The following BRWD1 variants were observed in gnomAD, a reference collection of about 807,000 sequenced individuals.
BRWD1 encodes the protein bromodomain and WD repeat domain containing 1.
Under a neutral mutation model 251.2 loss-of-function variants are expected in BRWD1, and 82 were observed. The observed-to-expected ratio is 0.33, with a 90% CI of 0.27 to 0.39. The LOEUF (loss-of-function observed/expected upper bound fraction) is 0.39, where lower values mean the gene tolerates loss of function less well. Ranked by LOEUF, BRWD1 falls within the 10% of genes least tolerant of loss-of-function variation. The pLI, the probability that BRWD1 is intolerant of heterozygous loss-of-function variation, is 1.00. For missense variants in BRWD1, 2,233 were observed against 2,711.6 expected, an observed-to-expected ratio of 0.82 and a Z score of 3.92; for synonymous variants, 918 against 902.8, an observed-to-expected ratio of 1.02 and a Z score of -0.30.
At chr21:39,222,660 A>T (rs754382152) in intron 29 of BRWD1, among the ~76,000 whole-genome samples, 13 of 152,346 alleles carry the variant, frequency 8.5e-5, no homozygotes, top group Non-Finnish European at 1.5e-4. Context: ...GGAAAGGAGA[A>T]GATGTATCTT....
chr21:39,257,046 G>A (rs1244397215), intron 18 of BRWD1, among the ~76,000 whole-genome samples: 1 of 152,024 alleles, frequency 6.6e-6, no homozygotes, highest in Non-Finnish European at 1.5e-5. Flanking sequence ...AAATTTAACT[G>A]CCCAAGTCAT....
chr21:39,280,132 A>G lies in BRWD1; in HGVS notation c.932+16T>C. The G allele has an allele frequency of 5.8e-6, 9 of 1,553,000 alleles. No individual in the cohort carries two copies. The highest frequency in any genetic ancestry group is 7.9e-6 in the Non-Finnish European group (9 of 1,143,760). On this transcript the variant is annotated intron_variant, in intron 9 of 40. Coordinates refer to ENST00000342449, the MANE Select transcript of BRWD1 (RefSeq NM_033656.4). The stretch of plus-strand genomic sequence containing the variant: ...CATTAAAAAACAAAACCTGTTACAT[A>G]ATTAAAGCCACTTACCTAAATTTTA...
Position 39,199,189 on chromosome 21 carries a change from G to T in BRWD1, c.5227C>A (p.Pro1743Thr), listed in dbSNP as rs770354132. Residue 1743 changes from proline to threonine, a missense_variant, in exon 40 of 41, where the codon CCA becomes ACA. By Grantham distance (38) the Pro-to-Thr change is conservative. This residue lies in a region of BRWD1 where 928 missense variants were observed against 970.0 expected (regional missense o/e 0.96). Transcript: ENST00000342449. ...AGAAATTTTGTCTTTGAAGGTGCTG[G>T]AGTATGGGACTTGTAACCATTAGCA... ...WHANGYKSHT[P>T]APSKTKFLKI... The T allele has an allele frequency of 6.2e-7, 1 of 1,614,120 alleles. No homozygotes were observed. The highest frequency in any genetic ancestry group is 1.1e-5 in the South Asian group (1 of 91,080).
At position 39,202,672 on chromosome 21, in the gene BRWD1, T is replaced by G. The variant is rs572344033; in HGVS notation, c.4365-127A>C. On this transcript the variant is annotated intron_variant, in intron 37 of 40. Coordinates refer to ENST00000342449, the MANE Select transcript of BRWD1 (RefSeq NM_033656.4). ...GAGAGTAATTTTATCATCAAAACAT[T>G]AAAATATTCACTATTAACATTTTAT... The G allele has an allele frequency of 1.1e-5, 7 of 641,720 alleles. No individual in the cohort carries two copies. The African/African-American group carries it at 1.3e-4, about 12-fold the overall frequency. The allele number at this position is 641,720 out of a possible 1,614,324, so 39.8% of individuals were successfully genotyped here.
intron 40 of BRWD1, among the ~76,000 whole-genome samples, chr21:39,198,086 C>T (rs1243313634): frequency 2.0e-4 from 31 of 152,122 alleles, no homozygotes; most frequent in Admixed American, 2.0e-3. Flanking sequence ...CTGAAACTCC[C>T]CGTAACTCCC....
intron 8 of BRWD1, among the ~76,000 whole-genome samples, chr21:39,283,986 A>G (rs911335593): frequency 1.3e-5 from 2 of 152,152 alleles, no homozygotes; most frequent in Non-Finnish European, 2.9e-5. Flanking sequence ...GTCTACTTCC[A>G]AAGTCCAAAG....
intron 19 of BRWD1, among the ~76,000 whole-genome samples, chr21:39,252,682 C>A (rs2034434665): frequency 6.6e-6 from 1 of 152,156 alleles, no homozygotes; most frequent in Non-Finnish European, 1.5e-5. Context: ...TGGCAGATAG[C>A]TAGCTGCCGT....
rs1360817357 is a variant in BRWD1, at chr21:39,206,375, G to A, written c.4198-101C>T. Reference sequence around the variant, plus strand: ...ATCCCTTGCAATGTATTATATCACTGCTTATAGGTAATGGCTGTCACCCAC... The same window carrying A: ...ATCCCTTGCAATGTATTATATCACTACTTATAGGTAATGGCTGTCACCCAC... On this transcript the variant is annotated intron_variant, in intron 36 of 40. Coordinates refer to ENST00000342449, the MANE Select transcript of BRWD1 (RefSeq NM_033656.4). 4 of 869,906 alleles carry A rather than the reference G, an allele frequency of 4.6e-6. No individual in the cohort carries two copies. The African/African-American group carries it at 5.2e-5, about 11-fold the overall frequency. 53.9% of individuals were successfully genotyped at this position (869,906 alleles called of 1,614,324 possible).
intron 27 of BRWD1, among the ~76,000 whole-genome samples, chr21:39,227,401 A>G (rs186945615): frequency 4.6e-5 from 7 of 152,280 alleles, no homozygotes; most frequent in Non-Finnish European, 1.0e-4. Flanking sequence ...AGTTACTATT[A>G]ACAGTTGCTA....
intron 33 of BRWD1, among the ~76,000 whole-genome samples, chr21:39,213,149 C>T (rs2032737887): frequency 6.6e-6 from 1 of 152,156 alleles, no homozygotes; most frequent in South Asian, 2.1e-4. Context: ...AAGCAATCTT[C>T]CCATCTCAGC....
At chr21:39,230,018 T>C (rs1386428173) in intron 25 of BRWD1, among the ~76,000 whole-genome samples, 5 of 152,220 alleles carry the variant, frequency 3.3e-5, no homozygotes, top group Admixed American at 6.5e-5. Context: ...GGATTATAGG[T>C]GTGGCCTGCC....
intron 25 of BRWD1, among the ~76,000 whole-genome samples, chr21:39,230,312 G>C (rs1389159402): frequency 6.6e-6 from 1 of 152,140 alleles, no homozygotes; most frequent in Non-Finnish European, 1.5e-5. Context: ...TCTGATACTA[G>C]GAATACAACA....
rs1197507269 is a variant in BRWD1, at chr21:39,199,055, G to C, written c.5361C>G (p.Ile1787Met). The C allele has an allele frequency of 6.2e-7, 1 of 1,613,972 alleles. No individual in the cohort carries two copies. The highest frequency in any genetic ancestry group is 8.5e-7 in the Non-Finnish European group (1 of 1,180,030). The change falls in exon 40 of 41, where the codon ATC becomes ATG. Residue 1787 changes from isoleucine to methionine, a missense_variant. By Grantham distance (10) the Ile-to-Met change is conservative. Coordinates refer to ENST00000342449, the MANE Select transcript of BRWD1 (RefSeq NM_033656.4). Reference sequence around the variant, plus strand: ...CTGGTTCAGAATCTGCTTCCTCTGAGATGCTCTCTGCCTTAAGTTTCTGCA... The same window carrying C: ...CTGGTTCAGAATCTGCTTCCTCTGACATGCTCTCTGCCTTAAGTTTCTGCA... Reference protein sequence around the residue: ...TSVQKLKAESISEEADSEPGR... With the variant: ...TSVQKLKAESMSEEADSEPGR...
Position 39,191,706 on chromosome 21 carries a change from G to T in BRWD1, c.*4553C>A. 5.1e-6 allele frequency: 5 copies of T among 985,158 alleles called. No individual in the cohort carries two copies. Among genetic ancestry groups the T allele is most frequent in the Non-Finnish European group, 6.0e-6 (5 of 829,794 alleles). 61.0% of individuals were successfully genotyped at this position (985,158 alleles called of 1,614,324 possible). On this transcript the variant is annotated 3_prime_UTR_variant, in exon 41 of 41. Coordinates refer to ENST00000342449, the MANE Select transcript of BRWD1 (RefSeq NM_033656.4). ...GATCAAAAAAGGTAATTTTTAAAAT[G>T]ATTTACCTTGTAAAACAAAGGGGTA...
At chr21:39,242,322 A>G (rs1421843985) in intron 21 of BRWD1, among the ~76,000 whole-genome samples, 2 of 152,254 alleles carry the variant, frequency 1.3e-5, no homozygotes, top group African/African-American at 2.4e-5. Context: ...CAGCAATAAC[A>G]TTCCCTTAAG....
In BRWD1 at chr21:39,188,331, A is replaced by G. The variant is rs1403731106; in HGVS notation, c.*7928T>C. ...TTGTAGGACCCTGCCTGAAGTTTCC[A>G]GACATTTAGCATTCAAAAGGTAAGG... On this transcript the variant is annotated 3_prime_UTR_variant, in exon 41 of 41. Transcript: ENST00000342449. The G allele has an allele frequency of 6.1e-6, 6 of 985,238 alleles. No homozygotes were observed. Among genetic ancestry groups the G allele is most frequent in the Non-Finnish European group, 7.2e-6 (6 of 829,898 alleles). The allele number at this position is 985,238 out of a possible 1,614,324, so 61.0% of individuals were successfully genotyped here. A position where few individuals can be genotyped will look rare whatever the true frequency, so the allele number is the denominator to read the frequency against.
In BRWD1 at chr21:39,189,999, G is replaced by A. The variant is rs2031463321; in HGVS notation, c.*6260C>T. The stretch of plus-strand genomic sequence containing the variant: ...CTTGAGGACTTGTTTTCCTGGAAGT[G>A]ATTCCCTACTTGGGTATGGCAAGAA... On this transcript the variant is annotated 3_prime_UTR_variant, in exon 41 of 41. Transcript: ENST00000342449. The A allele has an allele frequency of 1.0e-6, 1 of 985,360 alleles. No individual in the cohort carries two copies. The highest frequency in any genetic ancestry group is 1.2e-6 in the Non-Finnish European group (1 of 829,900). The allele number at this position is 985,360 out of a possible 1,614,324, so 61.0% of individuals were successfully genotyped here. A position where few individuals can be genotyped will look rare whatever the true frequency, so the allele number is the denominator to read the frequency against.
chr21:39,280,234 G>C lies in BRWD1; in HGVS notation c.846C>G (p.Ala282=), dbSNP rs753369001. ...SITSLQFSPM[A]KGSQRYMVST... is the part of the protein sequence containing the mutation. ...AAACCATGTATCTTTGAGAGCCTTTGGCCATCGGGCTAAACTAAAAAGTAA... is the reference window on the plus strand; with the variant it reads ...AAACCATGTATCTTTGAGAGCCTTTCGCCATCGGGCTAAACTAAAAAGTAA... The change falls in exon 9 of 41, where the codon GCC becomes GCG. Residue 282 remains alanine (A), a synonymous_variant. Transcript: ENST00000342449. The C allele has an allele frequency of 1.2e-6, 2 of 1,604,936 alleles. No homozygotes were observed. The highest frequency in any genetic ancestry group is 1.7e-6 in the Non-Finnish European group (2 of 1,177,214).
chr21:39,290,940 T>C (rs1032911882), intron 8 of BRWD1, among the ~76,000 whole-genome samples: 1 of 152,080 alleles, frequency 6.6e-6, no homozygotes, highest in Non-Finnish European at 1.5e-5. Flanking sequence ...AAGAACAGCC[T>C]GGACAACATG....
Sources: allele counts gnomAD v4.1 joint callset (sites outside exome capture counted in the v4.1 genomes callset), GRCh38; gene constraint gnomAD v4.1.1; regional missense constraint gnomAD v4.1.1; transcripts MANE v1.5; gene names NCBI Gene and HGNC (gene_info 2026-07-23, HGNC 2026-07-21).